Variants in CERS1 observed in about 807,000 individuals in gnomAD.
CERS1 encodes ceramide synthase 1.
Under a neutral mutation model 35.7 loss-of-function variants are expected in CERS1, and 16 were observed. The ratio of observed to expected loss-of-function variants is 0.45; its 90% CI spans 0.30 to 0.68. The LOEUF (loss-of-function observed/expected upper bound fraction) is 0.68. CERS1 is among the 30% of genes least tolerant of loss of function. The pLI, the probability that CERS1 is intolerant of heterozygous loss-of-function variation, is 0.08. For synonymous variants in CERS1, 243 were observed against 201.6 expected (o/e 1.21, Z -1.74); for missense variants, 454 against 453.9 (o/e 1.00, Z 0.00).
At chr19:18,889,279 T>C (rs79826566) in intron 2 of CERS1, among the ~76,000 whole-genome samples, 3,256 of 152,206 alleles carry the variant, frequency 0.021, 116 homozygotes, top group African/African-American at 0.074. Flanking sequence ...TCCAGAAACA[T>C]GTGAGCCCGA....
chr19:18,895,984 G>A lies in CERS1; in HGVS notation c.89C>T (p.Ala30Val), dbSNP rs1045601115. Residue 30 changes from alanine (A) to valine (V), a missense_variant, in exon 1 of 8, where the codon GCG becomes GTG. Physicochemically the swap from Ala to Val is moderately conservative, Grantham distance 64. Transcript: ENST00000623882. This position sits in a 1 kb window ranked among gnomAD's most constrained non-coding sequence, Gnocchi z 6.4. ...CGTGCAGCCCCGCGCCGCCGCCAGC[G>A]CGCTGCCCCAGCCGCGCTGCACTAG... ...AQLVQRGWGS[A>V]LAAARGCTDC... 3.7e-5 allele frequency: 39 copies of A among 1,045,184 alleles called. No homozygotes were observed. Among genetic ancestry groups the A allele is most frequent in the Non-Finnish European group, 4.5e-5 (39 of 869,344 alleles). The allele number at this position is 1,045,184 out of a possible 1,614,324, so 64.7% of individuals were successfully genotyped here.
chr19:18,884,104 G>C lies in CERS1; in HGVS notation c.573C>G (p.Val191=), dbSNP rs1018525293. The C allele has an allele frequency of 1.2e-6, 2 of 1,613,430 alleles. No homozygotes were observed. Among genetic ancestry groups the C allele is most frequent in the East Asian group, 2.2e-5 (1 of 44,872 alleles). ...LHHVVTLILI[V]SSYAFRYHNV... is the part of the protein sequence containing the mutation. ...GTCCTTACCGGAAGGCGTAGGAGGAGACGATGAGGATGAGAGTGACCACGT... is the reference window on the plus strand; with the variant it reads ...GTCCTTACCGGAAGGCGTAGGAGGACACGATGAGGATGAGAGTGACCACGT... The change falls in exon 3 of 8, where the codon GTC becomes GTG. Residue 191 remains valine, a synonymous_variant. Coordinates refer to ENST00000623882, the MANE Select transcript of CERS1 (RefSeq NM_021267.5).
chr19:18,894,845 C>G (rs1051004572), intron 1 of CERS1, among the ~76,000 whole-genome samples: 1 of 152,128 alleles, frequency 6.6e-6, no homozygotes, highest in African/African-American at 2.4e-5. Context: ...GAGAAAGGCC[C>G]CTTTGTTGGC....
chr19:18,881,462 C>T (rs1359711346), intron 3 of CERS1, among the ~76,000 whole-genome samples: 1 of 151,406 alleles, frequency 6.6e-6, no homozygotes, highest in Non-Finnish European at 1.5e-5. Flanking sequence ...TCATGTGACC[C>T]ACCCGCCTTG....
intron 6 of CERS1, among the ~76,000 whole-genome samples, chr19:18,876,845 A>G (rs1357846681): frequency 1.3e-5 from 2 of 152,122 alleles, no homozygotes; most frequent in African/African-American, 4.8e-5. Flanking sequence ...TTTGCTATTA[A>G]CTAAACTCTC....
At chr19:18,881,060 C>A (rs2056193073) in intron 3 of CERS1, among the ~76,000 whole-genome samples, 1 of 152,050 alleles carries the variant, frequency 6.6e-6, no homozygotes. Flanking sequence ...TGACCCCCGA[C>A]TCTCACAGGC....
intron 4 of CERS1, 128 bp downstream of exon 4, chr19:18,880,146 C>T: frequency 1.0e-6 from 1 of 964,410 alleles, no homozygotes; most frequent in South Asian, 1.7e-5. Flanking sequence ...GAGGCCCCTC[C>T]CCTGTCATGC....
At position 18,895,805 on chromosome 19, in the gene CERS1, G is replaced by T; in HGVS notation, c.249+19C>A. 1.6e-6 allele frequency: 2 copies of T among 1,220,792 alleles called. No individual in the cohort carries two copies. Among genetic ancestry groups the T allele is most frequent in the Admixed American group, 9.2e-5 (2 of 21,834 alleles). 75.6% of individuals were successfully genotyped at this position (1,220,792 alleles called of 1,614,324 possible). The stretch of plus-strand genomic sequence containing the variant: ...CCCCAGTCCGGGGTCCCCTCGTCCC[G>T]GCCCCCGGCCACACTGACCCGAAAG... On this transcript the variant is annotated intron_variant, in intron 1 of 7. Coordinates refer to ENST00000623882, the MANE Select transcript of CERS1 (RefSeq NM_021267.5). This position sits in a 1 kb window ranked among gnomAD's most constrained non-coding sequence, Gnocchi z 6.4.
In CERS1 at chr19:18,895,813, G is replaced by A; in HGVS notation, c.249+11C>T. 8.0e-7 allele frequency: 1 copy of A among 1,248,330 alleles called. No individual in the cohort carries two copies. The highest frequency in any genetic ancestry group is 1.0e-6 in the Non-Finnish European group (1 of 990,710). The allele number at this position is 1,248,330 out of a possible 1,614,324, so 77.3% of individuals were successfully genotyped here. A position where few individuals can be genotyped will look rare whatever the true frequency, so the allele number is the denominator to read the frequency against. On this transcript the variant is annotated intron_variant, in intron 1 of 7. Transcript: ENST00000623882. This position sits in a 1 kb window ranked among gnomAD's most constrained non-coding sequence, Gnocchi z 6.4. ...CGGGGTCCCCTCGTCCCGGCCCCCG[G>A]CCACACTGACCCGAAAGAGGCGCGC...
Position 18,878,095 on chromosome 19 carries a change from T to A in CERS1, c.1010+835A>T, listed in dbSNP as rs2056096971. ...ACGTCACGGAGCTCTGAGCCACTGC[T>A]TCCCTGAAACCATCGTTCCCACGTC... On this transcript the variant is annotated intron_variant, in intron 6 of 7. Coordinates refer to ENST00000623882, the MANE Select transcript of CERS1 (RefSeq NM_021267.5). This position sits in a 1 kb window ranked among gnomAD's most constrained non-coding sequence, Gnocchi z 4.6. 4.1e-6 allele frequency: 4 copies of A among 985,470 alleles called. No individual in the cohort carries two copies. The South Asian group carries it at 1.4e-4, about 35-fold the overall frequency. 61.0% of individuals were successfully genotyped at this position (985,470 alleles called of 1,614,324 possible).
rs1324029731 is a variant in CERS1 at position 18,895,958 on chromosome 19, C to T, written c.115G>A (p.Asp39Asn). 3 of 1,091,288 alleles carry T rather than the reference C, an allele frequency of 2.7e-6. No individual in the cohort carries two copies. Among genetic ancestry groups the T allele is most frequent in the Admixed American group, 9.9e-5 (2 of 20,200 alleles). 67.6% of individuals were successfully genotyped at this position (1,091,288 alleles called of 1,614,324 possible). Residue 39 changes from aspartate to asparagine, a missense_variant, in exon 1 of 8, where the codon GAC becomes AAC. Physicochemically the swap from Asp to Asn is conservative, Grantham distance 23. Transcript: ENST00000623882. This position sits in a 1 kb window ranked among gnomAD's most constrained non-coding sequence, Gnocchi z 6.4. ...SALAAARGCT[D>N]CGWGLARRGL... ...CGACGCGCCAGCCCCCAGCCGCAGT[C>T]CGTGCAGCCCCGCGCCGCCGCCAGC...
rs78540736 is a variant in CERS1, at chr19:18,873,393, A to G, written c.1011-2774T>C. On this transcript the variant is annotated intron_variant, in intron 6 of 7. Transcript: ENST00000623882. ...GGCCAGAGAGACAGAGCAGGAGTGCAGAGTAAATAAAGGGCTTCAAGGGCC... is the reference window on the plus strand; with the variant it reads ...GGCCAGAGAGACAGAGCAGGAGTGCGGAGTAAATAAAGGGCTTCAAGGGCC... 4.0e-3 allele frequency among the ~76,000 whole-genome samples: 608 copies of G among 152,094 alleles called. 5 individuals carry two copies. Among genetic ancestry groups the G allele is most frequent in the African/African-American group, 0.014 (586 of 41,496 alleles).
intron 6 of CERS1, among the ~76,000 whole-genome samples, chr19:18,873,631 T>TTG (rs1190027716): frequency 6.6e-6 from 1 of 151,518 alleles, no homozygotes; most frequent in Non-Finnish European, 1.5e-5. Flanking sequence ...TGAGGTCAGG[T>TTG]GTTCAAGACC....
In CERS1 at chr19:18,869,095, G is replaced by A. The variant is rs2055910581; in HGVS notation, c.*890C>T. On this transcript the variant is annotated 3_prime_UTR_variant, in exon 8 of 8. Coordinates refer to ENST00000623882, the MANE Select transcript of CERS1 (RefSeq NM_021267.5). The stretch of plus-strand genomic sequence containing the variant: ...CCAGGCGGAGGCTGCGCGGCCATGA[G>A]GCGTTGCGAGCCCAAGCGGCGCCCA... The A allele has an allele frequency of 1.2e-5, 13 of 1,077,012 alleles. No homozygotes were observed. The highest frequency in any genetic ancestry group is 1.5e-5 in the Non-Finnish European group (13 of 888,466). The allele number at this position is 1,077,012 out of a possible 1,614,324, so 66.7% of individuals were successfully genotyped here.
At chr19:18,893,020 G>A (rs577476444) in intron 2 of CERS1, among the ~76,000 whole-genome samples, 9 of 151,928 alleles carry the variant, frequency 5.9e-5, no homozygotes, top group African/African-American at 2.2e-4. Context: ...AGGTTCAAGC[G>A]ATTCTCCTGC....
At chr19:18,879,993 CA>C (rs1043495686) in intron 4 of CERS1, among the ~76,000 whole-genome samples, 39 of 151,086 alleles carry the variant, frequency 2.6e-4, no homozygotes, top group Non-Finnish European at 4.7e-4. Flanking sequence ...CAACCTATCT[CA>C]CCAGGCCCCT....
Position 18,868,579 on chromosome 19 carries a change from G to A in CERS1, c.*1406C>T. The A allele has an allele frequency of 6.5e-7, 1 of 1,537,626 alleles. No homozygotes were observed. Among genetic ancestry groups the A allele is most frequent in the Non-Finnish European group, 8.8e-7 (1 of 1,135,294 alleles). On this transcript the variant is annotated 3_prime_UTR_variant, in exon 8 of 8. Transcript: ENST00000623882. ...ACGCGGCATTTATTGTTGGGCCCGC[G>A]TCCCTGCCCGCCCCGGGTTAGCGGC...
chr19:18,869,110 A>G lies in CERS1; in HGVS notation c.*875T>C. On this transcript the variant is annotated 3_prime_UTR_variant, in exon 8 of 8. Coordinates refer to ENST00000623882, the MANE Select transcript of CERS1 (RefSeq NM_021267.5). ...GCGGCCATGAGGCGTTGCGAGCCCA[A>G]GCGGCGCCCAGCAGCTCCGCGCGCA... 9.2e-7 allele frequency: 1 copy of G among 1,083,320 alleles called. No individual in the cohort carries two copies. Among genetic ancestry groups the G allele is most frequent in the African/African-American group, 1.7e-5 (1 of 58,606 alleles). The allele number at this position is 1,083,320 out of a possible 1,614,324, so 67.1% of individuals were successfully genotyped here. A position where few individuals can be genotyped will look rare whatever the true frequency, so the allele number is the denominator to read the frequency against.
chr19:18,868,802 G>T lies in CERS1; in HGVS notation c.*1183C>A. The T allele has an allele frequency of 6.9e-7, 1 of 1,455,746 alleles. No individual in the cohort carries two copies. Among genetic ancestry groups the T allele is most frequent in the African/African-American group, 1.5e-5 (1 of 67,000 alleles). The allele number at this position is 1,455,746 out of a possible 1,614,324, so 90.2% of individuals were successfully genotyped here. Reference sequence around the variant, plus strand: ...CGGCGGCCCCCCGGACCCCGACAGCGCGACGGGCAGCGCGCACTGACCCTG... The same window carrying T: ...CGGCGGCCCCCCGGACCCCGACAGCTCGACGGGCAGCGCGCACTGACCCTG... On this transcript the variant is annotated 3_prime_UTR_variant, in exon 8 of 8. Coordinates refer to ENST00000623882, the MANE Select transcript of CERS1 (RefSeq NM_021267.5).
Sources: gnomAD v4.1 joint callset for allele counts (sites outside exome capture counted in the v4.1 genomes callset) on GRCh38, gnomAD v4.1.1 for gene constraint, Gnocchi (gnomAD v3.1) non-coding constraint, MANE v1.5 for transcripts, NCBI Gene and HGNC (gene_info 2026-07-23, HGNC 2026-07-21) for gene names.